Variants in CNOT6L observed in about 807,000 individuals in gnomAD.
CNOT6L encodes the protein CCR4-NOT transcription complex subunit 6 like.
In CNOT6L, 7 loss-of-function variants were observed where a neutral mutation model predicts 64.0. The observed-to-expected ratio is 0.11, with a 90% CI of 0.06 to 0.21. CNOT6L has a LOEUF of 0.21. Among genes scored for constraint, CNOT6L ranks in the 10% least tolerant of loss-of-function variants. The pLI is 1.00. For synonymous variants in CNOT6L, 193 were observed against 243.4 expected (o/e 0.79, Z 1.93); for missense variants, 245 against 669.0 (o/e 0.37, Z 6.99).
At chr4:77,807,668 TGA>T (rs889341557) in intron 1 of CNOT6L, among the ~76,000 whole-genome samples, 5 of 152,104 alleles carry the variant, frequency 3.3e-5, no homozygotes, top group East Asian at 1.9e-4. Context: ...AGGGAATATG[TGA>T]GAGAGAGTAG....
At chr4:77,784,954 T>C (rs1276099891) in intron 1 of CNOT6L, among the ~76,000 whole-genome samples, 1 of 152,226 alleles carries the variant, frequency 6.6e-6, no homozygotes, top group Non-Finnish European at 1.5e-5. Flanking sequence ...CTAAAATTTA[T>C]ACGGAAAGAC....
chr4:77,756,463 G>A (rs1276713049), intron 5 of CNOT6L, among the ~76,000 whole-genome samples: 1 of 152,146 alleles, frequency 6.6e-6, no homozygotes, highest in Non-Finnish European at 1.5e-5. Context: ...TGGGTTCCAA[G>A]TCATTTGCAT....
Position 77,754,846 on chromosome 4 carries a change from A to G in CNOT6L, c.490+2016T>C, listed in dbSNP as rs578160078. On this transcript the variant is annotated intron_variant, in intron 5 of 11. Coordinates refer to ENST00000504123, the MANE Select transcript of CNOT6L (RefSeq NM_144571.3). ...AAATGGCTCAGAGTCAATATAAAAT[A>G]CATATGGAAAAGTCATAAAACCTAA... 1.3e-4 allele frequency among the ~76,000 whole-genome samples: 20 copies of G among 148,300 alleles called. No individual in the cohort carries two copies. The South Asian group carries it at 4.3e-3, about 32-fold the overall frequency.
rs1369076863 is a variant in CNOT6L, at chr4:77,716,402, T to G, written c.*4029A>C. On this transcript the variant is annotated 3_prime_UTR_variant, in exon 12 of 12. Coordinates refer to ENST00000504123, the MANE Select transcript of CNOT6L (RefSeq NM_144571.3). The stretch of plus-strand genomic sequence containing the variant: ...ATGTATTAGGAATGACATAATGATG[T>G]GGTTATATGCCTCTGGTTCTTCAAA... The G allele has an allele frequency of 1.3e-5, 2 of 152,084 alleles. No individual in the cohort carries two copies. Among genetic ancestry groups the G allele is most frequent in the Non-Finnish European group, 2.9e-5 (2 of 67,980 alleles). The allele number at this position is 152,084 out of a possible 1,614,324, so 9.4% of individuals were successfully genotyped here. A position where few individuals can be genotyped will look rare whatever the true frequency, so the allele number is the denominator to read the frequency against.
chr4:77,743,561 G>C (rs2866691), intron 7 of CNOT6L, among the ~76,000 whole-genome samples: 4 of 133,890 alleles, frequency 3.0e-5, no homozygotes, highest in Admixed American at 1.5e-4. Flanking sequence ...ATGATGAAAA[G>C]AATGTGTGAA....
chr4:77,790,961 C>T (rs1730079956), intron 1 of CNOT6L, among the ~76,000 whole-genome samples: 1 of 151,620 alleles, frequency 6.6e-6, no homozygotes, highest in South Asian at 2.1e-4. Context: ...CTGTGCCCAG[C>T]CAAAACTTTC....
chr4:77,795,662 C>T (rs1730749779), intron 1 of CNOT6L, among the ~76,000 whole-genome samples: 1 of 152,136 alleles, frequency 6.6e-6, no homozygotes, highest in Non-Finnish European at 1.5e-5. Flanking sequence ...GTTAAGTCTT[C>T]TGAGGCCTCC....
chr4:77,815,699 T>A (rs1345833569), intron 1 of CNOT6L, among the ~76,000 whole-genome samples: 2 of 152,174 alleles, frequency 1.3e-5, no homozygotes, highest in Admixed American at 6.5e-5. Context: ...TTTGGAGGAA[T>A]GTTTGTCATT....
At chr4:77,819,414 C>G (rs1442055057), upstream of CNOT6L, 2 of 1,600,908 alleles carry the variant, frequency 1.2e-6, no homozygotes, top group Admixed American at 1.7e-5. Context: ...AGATGCTTCC[C>G]CTCCAGAGCC....
At chr4:77,799,186 C>T (rs1189998522) in intron 1 of CNOT6L, among the ~76,000 whole-genome samples, 2 of 152,130 alleles carry the variant, frequency 1.3e-5, no homozygotes, top group Non-Finnish European at 1.5e-5. Context: ...CCAACACTTT[C>T]GGAGGCCAAG....
intron 1 of CNOT6L, among the ~76,000 whole-genome samples, chr4:77,811,155 A>G (rs1235914742): frequency 6.6e-6 from 1 of 152,202 alleles, no homozygotes; most frequent in African/African-American, 2.4e-5. Context: ...ATTTTTCAAA[A>G]GAAAGGATAC....
intron 8 of CNOT6L, among the ~76,000 whole-genome samples, chr4:77,734,118 T>C (rs7674744): frequency 0.79 from 119,950 of 152,088 alleles, 48,141 homozygotes; most frequent in Non-Finnish European, 0.86. Flanking sequence ...TTGGGGAAAG[T>C]CATATTGTAA....
chr4:77,729,479 A>G (rs1341564787), intron 9 of CNOT6L, among the ~76,000 whole-genome samples: 1 of 152,236 alleles, frequency 6.6e-6, no homozygotes, highest in African/African-American at 2.4e-5. Flanking sequence ...ACAACACAGC[A>G]CAACTGTGAT....
intron 4 of CNOT6L, 120 bp downstream of exon 4, chr4:77,772,961 T>C: frequency 3.1e-6 from 2 of 650,200 alleles, no homozygotes; most frequent in Non-Finnish European, 5.4e-6. Context: ...ACTACTTTTC[T>C]TTCAAGAGAA....
At chr4:77,742,901 A>G (rs1723748070) in intron 7 of CNOT6L, among the ~76,000 whole-genome samples, 1 of 152,202 alleles carries the variant, frequency 6.6e-6, no homozygotes, top group South Asian at 2.1e-4. Flanking sequence ...AAATATGAAG[A>G]TAATTTATGT....
chr4:77,726,513 T>C (rs1240236693), intron 10 of CNOT6L, 144 bp from the exon 11 acceptor site: 9 of 554,308 alleles, frequency 1.6e-5, no homozygotes, highest in African/African-American at 1.3e-4. Flanking sequence ...TTTGTTGTTG[T>C]TTAAAAATAA....
intron 1 of CNOT6L, among the ~76,000 whole-genome samples, chr4:77,793,789 A>G (rs1730457433): frequency 6.6e-6 from 1 of 152,184 alleles, no homozygotes; most frequent in Non-Finnish European, 1.5e-5. Flanking sequence ...GTGTACAGGT[A>G]TATGCGTTAT....
intron 1 of CNOT6L, among the ~76,000 whole-genome samples, chr4:77,809,242 T>C (rs1732627300): frequency 6.6e-6 from 1 of 152,158 alleles, no homozygotes. Context: ...AGGATTTTCA[T>C]GAAGAATAAT....
chr4:77,769,238 A>G (rs1053100977), intron 4 of CNOT6L, among the ~76,000 whole-genome samples: 1 of 152,188 alleles, frequency 6.6e-6, no homozygotes, highest in African/African-American at 2.4e-5. Context: ...CATAACCCCA[A>G]TATCTAAATT....
Sources: gnomAD v4.1 joint callset for allele counts (sites outside exome capture counted in the v4.1 genomes callset) on GRCh38, gnomAD v4.1.1 for gene constraint, MANE v1.5 for transcripts, NCBI Gene and HGNC (gene_info 2026-07-23, HGNC 2026-07-21) for gene names.